Variants in LRBA observed in about 807,000 individuals in gnomAD.
LRBA encodes lipopolysaccharide-responsive and beige-like anchor protein.
A neutral mutation model predicts 330.0 loss-of-function variants in LRBA; 176 were observed. The observed-to-expected ratio is 0.53, with a 90% CI of 0.47 to 0.60. The LOEUF (loss-of-function observed/expected upper bound fraction) is 0.60. LRBA is among the 20% of genes least tolerant of loss of function. The pLI is 0.00. For synonymous variants in LRBA, 1,230 were observed against 1,193.0 expected, an observed-to-expected ratio of 1.03 and a Z score of -0.64; for missense variants, 3,259 against 3,444.8, an observed-to-expected ratio of 0.95 and a Z score of 1.35.
intron 5 of LRBA, among the ~76,000 whole-genome samples, chr4:150,918,423 T>A (rs185223280): frequency 2.0e-5 from 3 of 152,270 alleles, no homozygotes; most frequent in Admixed American, 2.0e-4. Flanking sequence ...TATCACTTCA[T>A]ACCAACTAGG....
At chr4:150,886,244 C>T (rs1223083663) in intron 17 of LRBA, among the ~76,000 whole-genome samples, 1 of 152,108 alleles carries the variant, frequency 6.6e-6, no homozygotes, top group African/African-American at 2.4e-5. Flanking sequence ...GAATCTGCCC[C>T]TGTTTCAGGG....
At chr4:150,278,316 C>T (rs993512110) in intron 55 of LRBA, among the ~76,000 whole-genome samples, 3 of 152,088 alleles carry the variant, frequency 2.0e-5, no homozygotes, top group African/African-American at 7.2e-5. Context: ...AATGAGAAGC[C>T]CTGGCATCTC....
intron 34 of LRBA, among the ~76,000 whole-genome samples, chr4:150,790,546 A>G (rs1324665726): frequency 6.6e-6 from 1 of 152,226 alleles, no homozygotes; most frequent in African/African-American, 2.4e-5. Flanking sequence ...TTATAATAGA[A>G]AGTTATCTGT....
At chr4:150,820,490 T>C (rs1745271543) in intron 30 of LRBA, among the ~76,000 whole-genome samples, 2 of 152,078 alleles carry the variant, frequency 1.3e-5, no homozygotes, top group Admixed American at 1.3e-4. Context: ...ATTTATATAC[T>C]ACCATAAAAT....
chr4:150,775,702 G>A (rs565649158), intron 34 of LRBA, among the ~76,000 whole-genome samples: 70 of 149,702 alleles, frequency 4.7e-4, no homozygotes, highest in African/African-American at 1.5e-3. Flanking sequence ...TTTCCAATGC[G>A]TTTTATGATT....
intron 47 of LRBA, among the ~76,000 whole-genome samples, chr4:150,387,488 C>G (rs1044831938): frequency 1.3e-5 from 2 of 151,822 alleles, no homozygotes; most frequent in Non-Finnish European, 1.5e-5. Context: ...TTAAATAAAC[C>G]CTGTTGGCCT....
chr4:150,756,611 GA>G (rs1734348032), intron 35 of LRBA, among the ~76,000 whole-genome samples: 1 of 151,812 alleles, frequency 6.6e-6, no homozygotes. Flanking sequence ...GTAAAGTGAA[GA>G]AAAAAATAAC....
At chr4:151,003,138 G>A (rs1743588527) in intron 2 of LRBA, among the ~76,000 whole-genome samples, 1 of 148,310 alleles carries the variant, frequency 6.7e-6, no homozygotes, top group Non-Finnish European at 1.5e-5. Context: ...GCTCACACCT[G>A]TAATCCCAGC....
At chr4:150,529,744 T>G (rs910107484) in intron 40 of LRBA, among the ~76,000 whole-genome samples, 2 of 135,812 alleles carry the variant, frequency 1.5e-5, no homozygotes, top group African/African-American at 5.7e-5. Context: ...AAAAAAAAAA[T>G]AATAACCAGC....
At chr4:150,683,187 T>A (rs1783202413) in intron 37 of LRBA, among the ~76,000 whole-genome samples, 1 of 152,126 alleles carries the variant, frequency 6.6e-6, no homozygotes, top group Non-Finnish European at 1.5e-5. Context: ...AATAAAATGT[T>A]ATATACGTAA....
intron 48 of LRBA, among the ~76,000 whole-genome samples, chr4:150,347,806 G>A (rs1022256262): frequency 2.6e-5 from 4 of 152,030 alleles, no homozygotes; most frequent in Non-Finnish European, 5.9e-5. Context: ...ATGTCTACAT[G>A]GAGTATTCCC....
intron 30 of LRBA, among the ~76,000 whole-genome samples, chr4:150,827,161 A>C (rs139790293): frequency 1.9e-4 from 29 of 152,342 alleles, no homozygotes; most frequent in African/African-American, 6.7e-4. Flanking sequence ...TAGATGAGGA[A>C]GACATAGAAG....
At chr4:150,422,737 C>A (rs1748994375) in intron 46 of LRBA, 1 of 1,033,054 alleles carries the variant, frequency 9.7e-7, no homozygotes, top group East Asian at 2.5e-5. Context: ...CCTGAGGGCC[C>A]AAAGGGCTTC....
intron 46 of LRBA, among the ~76,000 whole-genome samples, chr4:150,433,020 G>A (rs1202256104): frequency 6.6e-6 from 1 of 152,168 alleles, no homozygotes; most frequent in Non-Finnish European, 1.5e-5. Flanking sequence ...TTAGGGCATG[G>A]TGATGGAGAT....
Position 150,325,858 on chromosome 4 carries a change from G to A in LRBA, c.7403C>T (p.Ser2468Phe), listed in dbSNP as rs760079780. The change falls in exon 49 of 57, where the codon TCT (serine) becomes TTT (phenylalanine). Residue 2468 changes from serine (S) to phenylalanine (F), a missense_variant. Ser to Phe is a radical substitution (Grantham distance 155). Coordinates refer to ENST00000651943, the MANE Select transcript of LRBA (RefSeq NM_001364905.1). Reference protein sequence around the residue: ...AQIRSFGQTPSQLLIEPHPPR... With the variant: ...AQIRSFGQTPFQLLIEPHPPR... Reference sequence around the variant, plus strand: ...AGGATGGGGCTCTATGAGTAGTTGAGAAGGAGTCTGTCCAAAACTTCGGAT... The same window carrying A: ...AGGATGGGGCTCTATGAGTAGTTGAAAAGGAGTCTGTCCAAAACTTCGGAT... The A allele has an allele frequency of 5.0e-6, 8 of 1,613,440 alleles. No homozygotes were observed. In the African/African-American group the frequency reaches 8.0e-5, roughly 16 times the overall value.
At chr4:150,573,024 A>G (rs1259031388) in intron 40 of LRBA, among the ~76,000 whole-genome samples, 1 of 152,144 alleles carries the variant, frequency 6.6e-6, no homozygotes, top group African/African-American at 2.4e-5. Flanking sequence ...ACTAGCCAAC[A>G]GAACAGTAAA....
chr4:150,467,638 G>A (rs751656234), intron 44 of LRBA, 35 bp downstream of exon 44: 1 of 1,260,636 alleles, frequency 7.9e-7, no homozygotes. Flanking sequence ...TTATATGCAA[G>A]ACAATTATAT....
At chr4:150,679,645 C>G (rs962357181) in intron 37 of LRBA, 2 of 152,208 alleles carry the variant, frequency 1.3e-5, no homozygotes, top group Non-Finnish European at 2.9e-5. Flanking sequence ...ACGCCTCTAG[C>G]TTGAGGGCAT....
chr4:150,651,328 G>A (rs1177066338), intron 37 of LRBA, among the ~76,000 whole-genome samples: 2 of 152,118 alleles, frequency 1.3e-5, no homozygotes, highest in Non-Finnish European at 2.9e-5. Context: ...TATGTGCACG[G>A]TGACACGGCT....
Sources: allele counts gnomAD v4.1 joint callset (sites outside exome capture counted in the v4.1 genomes callset), GRCh38; gene constraint gnomAD v4.1.1; transcripts MANE v1.5; gene names NCBI Gene and HGNC (gene_info 2026-07-23, HGNC 2026-07-21).